Variants in DYNAP observed in about 807,000 individuals in gnomAD.
DYNAP encodes dynactin-associated protein.
In DYNAP, 7 loss-of-function variants were observed where a neutral mutation model predicts 8.5. The ratio of observed to expected loss-of-function variants is 0.82; its 90% CI spans 0.47 to 1.54. The LOEUF is 1.54. DYNAP is among the 40% of genes most tolerant of loss of function. The pLI is 0.01. For synonymous variants in DYNAP, 77 were observed against 77.9 expected (o/e 0.99, Z 0.06); for missense variants, 256 against 224.3 (o/e 1.14, Z -0.90).
At chr18:54,577,602 CAAAAAAAAA>C in the DYNAP span, among the ~76,000 whole-genome samples, 2 of 66,314 alleles carry the variant, frequency 3.0e-5, no homozygotes, top group African/African-American at 9.2e-5. Context: ...AATCTTGTTT[CAAAAAAAAA>C]AAAAAAAAAA....
intron 1 of DYNAP, among the ~76,000 whole-genome samples, 167 bp downstream of exon 1, chr18:54,591,506 GT>G (rs1266603613): frequency 3.3e-5 from 5 of 151,960 alleles, no homozygotes; most frequent in Admixed American, 3.3e-4. Context: ...TAACTTTCAT[GT>G]TTTATTTTGC....
At chr18:54,583,242 T>G (rs1333584469), upstream of DYNAP, among the ~76,000 whole-genome samples, 4 of 152,304 alleles carry the variant, frequency 2.6e-5, no homozygotes, top group Middle Eastern at 3.4e-3. Flanking sequence ...AGAAAACTCC[T>G]GCCAAGCCAC....
At chr18:54,587,713 C>T (rs897820869), upstream of DYNAP, 90 of 393,454 alleles carry the variant, frequency 2.3e-4, no homozygotes, top group Non-Finnish European at 3.6e-4. Flanking sequence ...GATTGTATAT[C>T]CATATTCTGA....
intron 1 of DYNAP, among the ~76,000 whole-genome samples, chr18:54,594,556 A>T (rs1056389528): frequency 6.6e-6 from 1 of 152,094 alleles, no homozygotes; most frequent in African/African-American, 2.4e-5. Flanking sequence ...TTTCACTTCA[A>T]TATTTTCATT....
the DYNAP span, among the ~76,000 whole-genome samples, chr18:54,580,392 C>T: frequency 1.3e-5 from 2 of 152,216 alleles, no homozygotes; most frequent in Admixed American, 1.3e-4. Context: ...ACGATGTCTA[C>T]TGAATCTGCC....
the DYNAP span, among the ~76,000 whole-genome samples, chr18:54,576,850 C>T: frequency 6.6e-6 from 1 of 151,866 alleles, no homozygotes; most frequent in East Asian, 1.9e-4. Flanking sequence ...CCAAAAAAAC[C>T]TACAAAAACA....
At chr18:54,583,927 A>C (rs1051528289), upstream of DYNAP, among the ~76,000 whole-genome samples, 1 of 152,202 alleles carries the variant, frequency 6.6e-6, no homozygotes, top group Non-Finnish European at 1.5e-5. Context: ...GGCAGAAAAA[A>C]GAGTAAACAA....
chr18:54,576,937 T>A, the DYNAP span, among the ~76,000 whole-genome samples: 5 of 152,240 alleles, frequency 3.3e-5, no homozygotes, highest in African/African-American at 1.2e-4. Context: ...ATCAGATCAA[T>A]TTATTTGAAA....
At position 54,597,886 on chromosome 18, in the gene DYNAP, T is replaced by C. The variant is rs79727013; in HGVS notation, c.296T>C (p.Met99Thr). Residue 99 changes from methionine (M) to threonine (T), a missense_variant, in exon 3 of 3, where the codon ATG becomes ACG. Coordinates refer to ENST00000648945, the MANE Select transcript of DYNAP (RefSeq NM_173629.3). ...GCTTGTCTCTTAGCCTGTGTGATAATGACAGCAATTGGAGTACTTATAATA... is the reference window on the plus strand; with the variant it reads ...GCTTGTCTCTTAGCCTGTGTGATAACGACAGCAATTGGAGTACTTATAATA... ...FLACLLACVI[M>T]TAIGVLIICL... 1.2e-6 allele frequency: 2 copies of C among 1,613,632 alleles called. No individual in the cohort carries two copies. The highest frequency in any genetic ancestry group is 1.7e-6 in the Non-Finnish European group (2 of 1,179,734).
At chr18:54,593,443 G>A (rs1419938819) in intron 1 of DYNAP, among the ~76,000 whole-genome samples, 1 of 152,110 alleles carries the variant, frequency 6.6e-6, no homozygotes, top group Non-Finnish European at 1.5e-5. Flanking sequence ...GCCAGACATT[G>A]CTACAAGCAT....
At chr18:54,586,381 T>C (rs989502666), upstream of DYNAP, among the ~76,000 whole-genome samples, 1 of 152,154 alleles carries the variant, frequency 6.6e-6, no homozygotes, top group African/African-American at 2.4e-5. Context: ...GCAAGGATGA[T>C]GAGACATGTC....
At chr18:54,578,692 A>G in the DYNAP span, among the ~76,000 whole-genome samples, 1 of 152,214 alleles carries the variant, frequency 6.6e-6, no homozygotes, top group Non-Finnish European at 1.5e-5. Flanking sequence ...AGAAAACTCT[A>G]TGGCTTTTAA....
intron 1 of DYNAP, among the ~76,000 whole-genome samples, chr18:54,594,052 C>A (rs1911188659): frequency 6.6e-6 from 1 of 152,114 alleles, no homozygotes; most frequent in African/African-American, 2.4e-5. Context: ...CACCCCTTCC[C>A]TAAAGTCTTT....
At chr18:54,584,942 G>A (rs7240102), upstream of DYNAP, among the ~76,000 whole-genome samples, 115,149 of 152,122 alleles carry the variant, frequency 0.76, 43,737 homozygotes, top group Middle Eastern at 0.87. Flanking sequence ...CATGTGGGCC[G>A]TGAGAAGACT....
Position 54,598,194 on chromosome 18 carries a change from CTTCAACTCAG to C in DYNAP, c.*52_*61del. The stretch of plus-strand genomic sequence containing the variant: ...TCAACTGAAACTTCAACCTCTACCA[CTTCAACTCAG>C]TTTGCAACTATAATAGCTACTCCTA... On this transcript the variant is annotated 3_prime_UTR_variant, in exon 3 of 3. Transcript: ENST00000648945. 6.5e-7 allele frequency: 1 copy of C among 1,547,976 alleles called. No homozygotes were observed. Among genetic ancestry groups the C allele is most frequent in the Non-Finnish European group, 8.8e-7 (1 of 1,142,330 alleles).
Position 54,597,940 on chromosome 18 carries a change from A to G in DYNAP, c.350A>G (p.Asn117Ser). ...TTGGTGAATAACAAAGGATCGGCCA[A>G]TTCCTCCATTGTTATCCAGCTATCC... ...ICLVNNKGSA[N>S]SSIVIQLSTN... The change falls in exon 3 of 3, where the codon AAT becomes AGT. Residue 117 changes from asparagine to serine, a missense_variant. Physicochemically the swap from Asn to Ser is conservative, Grantham distance 46. Transcript: ENST00000648945. The G allele has an allele frequency of 2.5e-6, 4 of 1,613,606 alleles. No individual in the cohort carries two copies. The highest frequency in any genetic ancestry group is 3.4e-6 in the Non-Finnish European group (4 of 1,179,774).
chr18:54,589,393 T>C (rs1910987311), upstream of DYNAP, among the ~76,000 whole-genome samples: 1 of 152,124 alleles, frequency 6.6e-6, no homozygotes, highest in South Asian at 2.1e-4. Context: ...ACAATCCAGG[T>C]GTGCTCTGCT....
At position 54,598,200 on chromosome 18, in the gene DYNAP, C is replaced by G. The variant is rs1599456393; in HGVS notation, c.*55C>G. 2.6e-6 allele frequency: 4 copies of G among 1,537,390 alleles called. No homozygotes were observed. The East Asian group carries it at 9.1e-5, about 35-fold the overall frequency. ...GAAACTTCAACCTCTACCACTTCAA[C>G]TCAGTTTGCAACTATAATAGCTACT... On this transcript the variant is annotated 3_prime_UTR_variant, in exon 3 of 3. Transcript: ENST00000648945.
chr18:54,584,616 T>G (rs1910816067), upstream of DYNAP, among the ~76,000 whole-genome samples: 1 of 152,130 alleles, frequency 6.6e-6, no homozygotes, highest in Non-Finnish European at 1.5e-5. Context: ...TATTAAAACA[T>G]TAAAACATCC....
Sources: allele counts gnomAD v4.1 joint callset (sites outside exome capture counted in the v4.1 genomes callset), GRCh38; gene constraint gnomAD v4.1.1; transcripts MANE v1.5; gene names NCBI Gene and HGNC (gene_info 2026-07-23, HGNC 2026-07-21).